Variants in IL1RAPL1 observed in about 807,000 individuals in gnomAD.
The protein encoded by IL1RAPL1 is interleukin 1 receptor accessory protein like 1.
Under a neutral mutation model 48.4 loss-of-function variants are expected in IL1RAPL1, and 3 were observed. The ratio of observed to expected loss-of-function variants is 0.06; its 90% CI spans 0.03 to 0.16. The LOEUF is 0.16. Ranked by LOEUF, IL1RAPL1 falls within the 10% of genes least tolerant of loss-of-function variation. The pLI is 1.00. For missense variants in IL1RAPL1, 349 were observed against 530.6 expected (o/e 0.66, Z 3.36); for synonymous variants, 185 against 187.7 (o/e 0.99, Z 0.12).
intron 3 of IL1RAPL1, among the ~76,000 whole-genome samples, chrX:29,357,098 A>T (rs1291718178): frequency 1.8e-5 from 2 of 112,434 alleles, no homozygotes; most frequent in African/African-American, 3.2e-5. Flanking sequence ...TTGTAAAATA[A>T]TAAACTTATT....
chrX:29,786,005 A>AT (rs1219698233), intron 6 of IL1RAPL1, among the ~76,000 whole-genome samples: 1 of 62,710 alleles, frequency 1.6e-5, no homozygotes, highest in South Asian at 1.3e-3. Flanking sequence ...GGCTTCAGAG[A>AT]TTTTTTTTAA....
chrX:29,758,740 A>T (rs1928680805), intron 6 of IL1RAPL1, among the ~76,000 whole-genome samples: 1 of 110,792 alleles, frequency 9.0e-6, no homozygotes, highest in Admixed American at 9.7e-5. Flanking sequence ...TCTCTCATTC[A>T]TTTCACAAAT....
At chrX:28,728,100 A>G (rs1395494242) in intron 1 of IL1RAPL1, among the ~76,000 whole-genome samples, 1 of 111,577 alleles carries the variant, frequency 9.0e-6, no homozygotes, top group Non-Finnish European at 1.9e-5. Flanking sequence ...AAAAATAAAA[A>G]TAATTTTCAT....
At chrX:28,914,585 G>T (rs988930365) in intron 2 of IL1RAPL1, among the ~76,000 whole-genome samples, 1 of 111,712 alleles carries the variant, frequency 9.0e-6, no homozygotes, top group Non-Finnish European at 1.9e-5. Flanking sequence ...TTCAACATTT[G>T]AACCTTTTTT....
intron 2 of IL1RAPL1, among the ~76,000 whole-genome samples, chrX:29,073,272 G>C (rs1418001736): frequency 9.0e-6 from 1 of 111,275 alleles, no homozygotes; most frequent in South Asian, 3.7e-4. Flanking sequence ...TTTCTTTGTG[G>C]TATCTATAAC....
At chrX:28,764,669 C>T in intron 1 of IL1RAPL1, among the ~76,000 whole-genome samples, 1 of 111,591 alleles carries the variant, frequency 9.0e-6, no homozygotes, top group East Asian at 2.8e-4. Flanking sequence ...ATTTAAATCC[C>T]CAGACTTCCA....
intron 2 of IL1RAPL1, among the ~76,000 whole-genome samples, chrX:28,864,511 G>A (rs1353215693): frequency 9.0e-6 from 1 of 111,346 alleles, no homozygotes; most frequent in African/African-American, 3.3e-5. Context: ...ATGAAAAATA[G>A]AGTGAATAAC....
chrX:29,058,925 C>T (rs1202001071), intron 2 of IL1RAPL1, among the ~76,000 whole-genome samples: 1 of 111,898 alleles, frequency 8.9e-6, no homozygotes, highest in Non-Finnish European at 1.9e-5. Context: ...GACTTATAGT[C>T]AGTATTGAAT....
At chrX:29,404,358 G>A (rs1934029153) in intron 5 of IL1RAPL1, among the ~76,000 whole-genome samples, 1 of 111,759 alleles carries the variant, frequency 8.9e-6, no homozygotes, top group Non-Finnish European at 1.9e-5. Flanking sequence ...TTAGCAATAT[G>A]CATTTCCTTC....
At chrX:29,594,316 TCTC>T (rs1239411443) in intron 5 of IL1RAPL1, among the ~76,000 whole-genome samples, 1 of 111,882 alleles carries the variant, frequency 8.9e-6, no homozygotes, top group Admixed American at 9.5e-5. Flanking sequence ...AAGTTGTACT[TCTC>T]TGTGCCTGTA....
rs532377695 is a variant in IL1RAPL1 at position 28,759,251 on chromosome X, T to A, written c.-24-30069T>A. Among the ~76,000 whole-genome samples the A allele has an allele frequency of 1.1e-3, 98 of 85,548 alleles. No individual in the cohort carries two copies. In the South Asian group the frequency reaches 0.021, roughly 18 times the overall value. 74.3% of individuals were successfully genotyped at this position (85,548 alleles called of 115,157 possible). A position where few individuals can be genotyped will look rare whatever the true frequency, so the allele number is the denominator to read the frequency against. ...GAAACTCCATCTCAAAAAAAAAAAA[T>A]AATAATAATATACGTTGTCCTTATC... On this transcript the variant is annotated intron_variant, in intron 1 of 10. Transcript: ENST00000378993.
intron 6 of IL1RAPL1, among the ~76,000 whole-genome samples, chrX:29,739,584 A>C (rs1352115588): frequency 3.6e-5 from 4 of 111,836 alleles, no homozygotes; most frequent in African/African-American, 1.3e-4. Context: ...ATTTGTTTGC[A>C]TATTTAATTG....
intron 2 of IL1RAPL1, among the ~76,000 whole-genome samples, chrX:28,900,681 A>G (rs190073046): frequency 7.9e-4 from 89 of 112,020 alleles, no homozygotes; most frequent in African/African-American, 2.6e-3. Flanking sequence ...CACACTGTCT[A>G]GTTTCTCATT....
chrX:29,084,785 C>T (rs748438899), intron 2 of IL1RAPL1, among the ~76,000 whole-genome samples: 3 of 112,424 alleles, frequency 2.7e-5, no homozygotes, highest in Admixed American at 1.9e-4. Flanking sequence ...TCTGCCTCCC[C>T]GCTTCAAGCG....
intron 2 of IL1RAPL1, among the ~76,000 whole-genome samples, chrX:29,220,051 C>T (rs1487708668): frequency 3.6e-5 from 4 of 111,147 alleles, no homozygotes; most frequent in Non-Finnish European, 5.7e-5. Flanking sequence ...AATTCTGGGC[C>T]GTTAATAAAT....
At chrX:29,498,549 T>C (rs1935238627) in intron 5 of IL1RAPL1, among the ~76,000 whole-genome samples, 1 of 111,905 alleles carries the variant, frequency 8.9e-6, no homozygotes, top group African/African-American at 3.2e-5. Flanking sequence ...TCAATTGTTT[T>C]CTTTTTTTTT....
At chrX:29,246,149 T>TC (rs1931508288) in intron 2 of IL1RAPL1, among the ~76,000 whole-genome samples, 2 of 72,139 alleles carry the variant, frequency 2.8e-5, no homozygotes, top group Non-Finnish European at 5.4e-5. Flanking sequence ...CTCTCATCGC[T>TC]CTTTTTTTTT....
At chrX:29,909,766 A>G (rs772368701) in intron 6 of IL1RAPL1, among the ~76,000 whole-genome samples, 3 of 111,939 alleles carry the variant, frequency 2.7e-5, no homozygotes, top group Non-Finnish European at 3.8e-5. Context: ...AAAACATAAC[A>G]GATGCTGGCA....
chrX:29,491,841 C>A lies in IL1RAPL1; in HGVS notation c.703+92533C>A, dbSNP rs558165747. On this transcript the variant is annotated intron_variant, in intron 5 of 10. Transcript: ENST00000378993. Reference sequence around the variant, plus strand: ...GATAAGTCTGTATCCTGTCTATCACCTTCTTCTTCAGTTGTGGTCATAACC... The same window carrying A: ...GATAAGTCTGTATCCTGTCTATCACATTCTTCTTCAGTTGTGGTCATAACC... Among the ~76,000 whole-genome samples the A allele has an allele frequency of 8.1e-5, 9 of 110,869 alleles. No homozygotes were observed. In the South Asian group the frequency reaches 2.6e-3, roughly 33 times the overall value.
Sources: allele counts gnomAD v4.1 joint callset (sites outside exome capture counted in the v4.1 genomes callset), GRCh38; gene constraint gnomAD v4.1.1; transcripts MANE v1.5; gene names NCBI Gene and HGNC (gene_info 2026-07-23, HGNC 2026-07-21).